The following LRRFIP2 variants were observed in gnomAD, a reference collection of about 807,000 sequenced individuals.
The protein encoded by LRRFIP2 is leucine-rich repeat flightless-interacting protein 2.
A neutral mutation model predicts 125.9 loss-of-function variants in LRRFIP2; 109 were observed. The ratio of observed to expected loss-of-function variants is 0.87; its 90% CI spans 0.74 to 1.01. The LOEUF (loss-of-function observed/expected upper bound fraction) is 1.01. LRRFIP2 is among the 50% of genes least tolerant of loss of function. The pLI is 0.00. For synonymous variants in LRRFIP2, 291 were observed against 293.1 expected, an observed-to-expected ratio of 0.99 and a Z score of 0.07; for missense variants, 850 against 862.3, an observed-to-expected ratio of 0.99 and a Z score of 0.18.
At chr3:37,091,683 C>T (rs2093447632) in intron 17 of LRRFIP2, 145 bp from the exon 18 acceptor site, 1 of 612,862 alleles carries the variant, frequency 1.6e-6, no homozygotes, top group East Asian at 2.9e-5. Context: ...AACTCCCACT[C>T]CCAACCACTG....
chr3:37,094,807 T>C lies in LRRFIP2; in HGVS notation c.1020A>G (p.Ser340=), dbSNP rs1404184870. The C allele has an allele frequency of 8.7e-6, 14 of 1,612,796 alleles. No individual in the cohort carries two copies. The highest frequency in any genetic ancestry group is 1.2e-5 in the Non-Finnish European group (14 of 1,178,902). The part of the protein sequence containing the change: ...DTSSLIDPDT[S]LSELRDIYDL... ...TTCAGTTTACCCGCAATTCACTTAA[T>C]GAAGTGTCTGGATCTATTAAGCTGC... Residue 340 remains serine (S), a synonymous_variant, in exon 17 of 28, where the codon TCA becomes TCG. Coordinates refer to ENST00000336686, the MANE Select transcript of LRRFIP2 (RefSeq NM_006309.4).
At chr3:37,151,240 T>C (rs2096013493) in intron 1 of LRRFIP2, among the ~76,000 whole-genome samples, 1 of 151,956 alleles carries the variant, frequency 6.6e-6, no homozygotes. Flanking sequence ...ATGTCTGTAA[T>C]CCCAGGTACT....
intron 19 of LRRFIP2, among the ~76,000 whole-genome samples, chr3:37,083,167 A>G (rs1483402637): frequency 6.6e-6 from 1 of 152,162 alleles, no homozygotes; most frequent in Non-Finnish European, 1.5e-5. Flanking sequence ...TCAATTTCTG[A>G]CCCACATCTC....
chr3:37,126,849 A>C (rs2095293356), intron 4 of LRRFIP2, among the ~76,000 whole-genome samples: 1 of 143,262 alleles, frequency 7.0e-6, no homozygotes, highest in African/African-American at 2.5e-5. Context: ...ACAAGCGCGA[A>C]ACTCCATCTC....
intron 15 of LRRFIP2, among the ~76,000 whole-genome samples, chr3:37,098,388 C>CTTTTT (rs200770177): frequency 7.0e-6 from 1 of 143,044 alleles, no homozygotes; most frequent in Non-Finnish European, 1.6e-5. Flanking sequence ...AATTTTTTTT[C>CTTTTT]TTTTTTTTCT....
intron 19 of LRRFIP2, among the ~76,000 whole-genome samples, chr3:37,077,973 AAGT>A (rs2092274325): frequency 6.6e-6 from 1 of 152,090 alleles, no homozygotes; most frequent in South Asian, 2.1e-4. Context: ...CAGAGACAGA[AAGT>A]AGGATGGTAG....
chr3:37,061,935 CCAA>C (rs1345271072), intron 24 of LRRFIP2, among the ~76,000 whole-genome samples: 2 of 152,216 alleles, frequency 1.3e-5, no homozygotes, highest in Non-Finnish European at 2.9e-5. Context: ...GACCCGAATT[CCAA>C]CAACCCTTCA....
intron 1 of LRRFIP2, among the ~76,000 whole-genome samples, chr3:37,168,639 C>T (rs1479842238): frequency 6.6e-6 from 1 of 152,182 alleles, no homozygotes; most frequent in Non-Finnish European, 1.5e-5. Context: ...CCGAATTGTA[C>T]ACTTAAAAAT....
chr3:37,154,908 T>C (rs897960030), intron 1 of LRRFIP2, among the ~76,000 whole-genome samples: 2 of 152,240 alleles, frequency 1.3e-5, no homozygotes, highest in Non-Finnish European at 2.9e-5. Context: ...TATTGCATCA[T>C]GGAGAATTCA....
chr3:37,056,368 T>C (rs2086854486), intron 25 of LRRFIP2, among the ~76,000 whole-genome samples: 1 of 152,088 alleles, frequency 6.6e-6, no homozygotes, highest in South Asian at 2.1e-4. Context: ...CCACAGGAAA[T>C]ATTCAGATTA....
chr3:37,079,954 T>C (rs943886114), intron 19 of LRRFIP2, among the ~76,000 whole-genome samples: 1 of 152,224 alleles, frequency 6.6e-6, no homozygotes, highest in African/African-American at 2.4e-5. Flanking sequence ...AAAGGGTATA[T>C]GGTTTCTTTC....
intron 2 of LRRFIP2, among the ~76,000 whole-genome samples, chr3:37,142,075 A>G: frequency 6.6e-6 from 1 of 152,100 alleles, no homozygotes; most frequent in Non-Finnish European, 1.5e-5. Flanking sequence ...TTGCATTTGG[A>G]CAAAATGAAT....
intron 4 of LRRFIP2, 143 bp from the exon 5 acceptor site, chr3:37,121,834 C>A: frequency 1.6e-6 from 1 of 638,652 alleles, no homozygotes; most frequent in South Asian, 1.7e-5. Context: ...TTAGGGGCAG[C>A]CACATTCGTG....
chr3:37,134,937 T>C (rs113154514), intron 2 of LRRFIP2: 8 of 1,400,218 alleles, frequency 5.7e-6, no homozygotes, highest in South Asian at 4.6e-5. Flanking sequence ...ATCACAGTGG[T>C]TGCCTGCTTT....
chr3:37,086,164 A>G (rs1029204017), intron 18 of LRRFIP2, among the ~76,000 whole-genome samples: 3 of 152,336 alleles, frequency 2.0e-5, no homozygotes, highest in African/African-American at 7.2e-5. Flanking sequence ...CGAAACCACA[A>G]TAAGATACCA....
chr3:37,074,726 A>T (rs966009784), intron 20 of LRRFIP2, among the ~76,000 whole-genome samples: 3 of 152,228 alleles, frequency 2.0e-5, no homozygotes, highest in Admixed American at 6.5e-5. Context: ...AATTCCAAAG[A>T]ATAATGTTAT....
chr3:37,059,274 G>A (rs1422261483), intron 24 of LRRFIP2, among the ~76,000 whole-genome samples: 1 of 152,088 alleles, frequency 6.6e-6, no homozygotes, highest in African/African-American at 2.4e-5. Context: ...CTACTTGGGA[G>A]GCTGAGGCAT....
chr3:37,098,874 T>C (rs1481093841), intron 15 of LRRFIP2, among the ~76,000 whole-genome samples: 1 of 152,202 alleles, frequency 6.6e-6, no homozygotes, highest in Non-Finnish European at 1.5e-5. Context: ...GCTAATGTGT[T>C]AAAGAGAAAA....
chr3:37,160,068 T>C (rs938995807), intron 1 of LRRFIP2, among the ~76,000 whole-genome samples: 30 of 150,608 alleles, frequency 2.0e-4, no homozygotes, highest in African/African-American at 7.3e-4. Flanking sequence ...AGGTCCCCTT[T>C]CCATTGCTAG....
Sources: allele counts gnomAD v4.1 joint callset (sites outside exome capture counted in the v4.1 genomes callset), GRCh38; gene constraint gnomAD v4.1.1; transcripts MANE v1.5; gene names NCBI Gene and HGNC (gene_info 2026-07-23, HGNC 2026-07-21).